Variants in CERS6 observed in about 807,000 individuals in gnomAD.
CERS6 encodes the protein LAG1 homolog, ceramide synthase 6.
A neutral mutation model predicts 56.8 loss-of-function variants in CERS6; 26 were observed. That is an observed-to-expected ratio of 0.46 (90% CI 0.34 to 0.63). The LOEUF is 0.63. Among genes scored for constraint, CERS6 ranks in the 30% least tolerant of loss-of-function variants. The probability of loss-of-function intolerance (pLI) is 0.01; values close to 1 mark genes in which losing one functional copy is unlikely to be tolerated. For missense variants in CERS6, 415 were observed against 467.5 expected (o/e 0.89, Z 1.04); for synonymous variants, 164 against 173.3 (o/e 0.95, Z 0.42).
At chr2:168,526,402 C>T (rs13422092) in intron 1 of CERS6, among the ~76,000 whole-genome samples, 2,286 of 152,160 alleles carry the variant, frequency 0.015, 36 homozygotes, top group African/African-American at 0.053. Context: ...TGGAAGTACA[C>T]GATGAAGAGC....
chr2:168,561,269 A>C lies in CERS6; in HGVS notation c.354A>C (p.Arg118=). ...WDVRSIQRWF[R]QRRNQEKPST... ...TTCGAAGCATTCAGCGCTGGTTTCG[A>C]CAAAGACGCAATCAGGAGAAGCCAA... Residue 118 remains arginine, a synonymous_variant, in exon 3 of 10, where the codon CGA becomes CGC. Coordinates refer to ENST00000305747, the MANE Select transcript of CERS6 (RefSeq NM_203463.3). The C allele has an allele frequency of 1.2e-6, 2 of 1,614,172 alleles. No individual in the cohort carries two copies. The highest frequency in any genetic ancestry group is 1.7e-6 in the Non-Finnish European group (2 of 1,179,990).
chr2:168,550,345 T>TA (rs1213130817), intron 2 of CERS6, among the ~76,000 whole-genome samples: 16 of 152,116 alleles, frequency 1.1e-4, no homozygotes, highest in Non-Finnish European at 1.5e-5. Flanking sequence ...CTGGCTAATG[T>TA]AAAAAATTTT....
At chr2:168,764,054 G>C (rs1367941681) in intron 8 of CERS6, among the ~76,000 whole-genome samples, 1 of 152,214 alleles carries the variant, frequency 6.6e-6, no homozygotes, top group African/African-American at 2.4e-5. Context: ...AGATTACAGA[G>C]AGAACCAGTT....
chr2:168,692,283 A>G (rs559086103), intron 5 of CERS6, among the ~76,000 whole-genome samples: 1 of 152,294 alleles, frequency 6.6e-6, no homozygotes, highest in African/African-American at 2.4e-5. Context: ...ATTGTCACAT[A>G]AGGCTCCTTG....
chr2:168,463,921 T>A (rs1693821823), intron 1 of CERS6, among the ~76,000 whole-genome samples: 1 of 152,016 alleles, frequency 6.6e-6, no homozygotes, highest in African/African-American at 2.4e-5. Context: ...AACAAAAAAA[T>A]TTTTTGCTTT....
chr2:168,714,997 C>T lies in CERS6; in HGVS notation c.610-4C>T, dbSNP rs766235835. ...CTAATATGGATGTTTCTTCTTTCCT[C>T]AAGGACTTTGGCATTATGTTCCTGC... On this transcript the variant is annotated splice_polypyrimidine_tract_variant and splice_region_variant and intron_variant, in intron 6 of 9. Coordinates refer to ENST00000305747, the MANE Select transcript of CERS6 (RefSeq NM_203463.3). The T allele has an allele frequency of 1.0e-5, 16 of 1,599,752 alleles. No individual in the cohort carries two copies. The highest frequency in any genetic ancestry group is 1.4e-5 in the Non-Finnish European group (16 of 1,175,282).
chr2:168,711,657 C>T (rs968204350), intron 6 of CERS6, among the ~76,000 whole-genome samples: 1 of 149,664 alleles, frequency 6.7e-6, no homozygotes, highest in East Asian at 2.0e-4. Context: ...TGGCTTGAAC[C>T]CAGGAGACGG....
chr2:168,502,352 C>T (rs535199322), intron 1 of CERS6, among the ~76,000 whole-genome samples: 1 of 152,120 alleles, frequency 6.6e-6, no homozygotes, highest in African/African-American at 2.4e-5. Flanking sequence ...ATGGAAAGGA[C>T]ATCTTCAGAT....
chr2:168,616,156 G>A (rs927342210), intron 3 of CERS6, among the ~76,000 whole-genome samples: 10 of 151,980 alleles, frequency 6.6e-5, no homozygotes, highest in East Asian at 1.9e-4. Context: ...AGTCTTTTTC[G>A]GTCAAACAAA....
intron 1 of CERS6, among the ~76,000 whole-genome samples, chr2:168,507,903 T>C (rs1049781467): frequency 3.9e-5 from 6 of 152,212 alleles, no homozygotes; most frequent in African/African-American, 1.4e-4. Flanking sequence ...CCATTAGATA[T>C]TTCAAGTTGC....
chr2:168,518,836 T>C (rs753889856), intron 1 of CERS6, among the ~76,000 whole-genome samples: 1 of 152,164 alleles, frequency 6.6e-6, no homozygotes, highest in Admixed American at 6.6e-5. Context: ...AACAGATGGG[T>C]GCATCTCTGA....
At chr2:168,630,260 T>C (rs1684683081) in intron 3 of CERS6, among the ~76,000 whole-genome samples, 1 of 151,552 alleles carries the variant, frequency 6.6e-6, no homozygotes, top group African/African-American at 2.4e-5. Context: ...GAAATAAAAT[T>C]GGGAATTTAG....
Position 168,773,027 on chromosome 2 carries a change from TC to T in CERS6, c.*3367del, listed in dbSNP as rs1386623102. 2 of 152,202 alleles carry T rather than the reference TC, an allele frequency of 1.3e-5. No homozygotes were observed. Among genetic ancestry groups the T allele is most frequent in the African/African-American group, 4.8e-5 (2 of 41,448 alleles). The allele number at this position is 152,202 out of a possible 1,614,324, so 9.4% of individuals were successfully genotyped here. On this transcript the variant is annotated 3_prime_UTR_variant, in exon 10 of 10. Coordinates refer to ENST00000305747, the MANE Select transcript of CERS6 (RefSeq NM_203463.3). The stretch of plus-strand genomic sequence containing the variant: ...TCTTAGGTAGAAAGGGCCTGAATCT[TC>T]CATTTTATATTCAAACCTCATTGTT...
chr2:168,686,294 C>T (rs1480409218), intron 4 of CERS6, among the ~76,000 whole-genome samples: 3 of 151,288 alleles, frequency 2.0e-5, no homozygotes, highest in Non-Finnish European at 4.4e-5. Flanking sequence ...GTAACGCCAC[C>T]AACCCTATTG....
chr2:168,586,216 A>T, intron 3 of CERS6, among the ~76,000 whole-genome samples: 1 of 151,368 alleles, frequency 6.6e-6, no homozygotes, highest in Admixed American at 6.6e-5. Flanking sequence ...ATACCTTTAA[A>T]AAAAAAAAAA....
At chr2:168,495,742 TC>T (rs1353293474) in intron 1 of CERS6, among the ~76,000 whole-genome samples, 2 of 152,192 alleles carry the variant, frequency 1.3e-5, no homozygotes, top group Non-Finnish European at 2.9e-5. Flanking sequence ...CTTTCTAGTT[TC>T]CAGTGTATTT....
At chr2:168,698,256 A>G (rs1191004113) in intron 6 of CERS6, among the ~76,000 whole-genome samples, 1 of 8,818 alleles carries the variant, frequency 1.1e-4, no homozygotes, top group African/African-American at 2.0e-4. Flanking sequence ...AAAAAAAAAG[A>G]AAAAAAAAAA....
At chr2:168,545,896 G>A (rs1574056423) in intron 1 of CERS6, among the ~76,000 whole-genome samples, 2 of 152,232 alleles carry the variant, frequency 1.3e-5, no homozygotes, top group African/African-American at 2.4e-5. Flanking sequence ...GGTGTGGGAA[G>A]GGGAGGATGA....
intron 3 of CERS6, among the ~76,000 whole-genome samples, chr2:168,619,783 G>A (rs1684416247): frequency 6.6e-6 from 1 of 151,624 alleles, no homozygotes. Context: ...AGCCACTATG[G>A]TAAAGAACTA....
Sources: allele counts gnomAD v4.1 joint callset (sites outside exome capture counted in the v4.1 genomes callset), GRCh38; gene constraint gnomAD v4.1.1; transcripts MANE v1.5; gene names NCBI Gene and HGNC (gene_info 2026-07-23, HGNC 2026-07-21).